The following TRAF5 variants were observed in gnomAD, a reference collection of about 807,000 sequenced individuals.
The protein encoded by TRAF5 is TNF receptor-associated factor 5.
In TRAF5, 48 loss-of-function variants were observed where a neutral mutation model predicts 64.5. The ratio of observed to expected loss-of-function variants is 0.74; its 90% CI spans 0.59 to 0.95. TRAF5 has a LOEUF of 0.95. Ranked by LOEUF, TRAF5 falls within the 40% of genes least tolerant of loss-of-function variation. The pLI, the probability that TRAF5 is intolerant of heterozygous loss-of-function variation, is 0.00. For synonymous variants in TRAF5, 206 were observed against 240.5 expected (o/e 0.86, Z 1.33); for missense variants, 545 against 662.8 (o/e 0.82, Z 1.95).
At chr1:211,360,913 C>A in intron 6 of TRAF5, 134 bp downstream of exon 6, 1 of 981,738 alleles carries the variant, frequency 1.0e-6, no homozygotes, top group Non-Finnish European at 1.5e-6. Flanking sequence ...ACGTATCTGT[C>A]TTCCCTTCTC....
chr1:211,370,606 C>G (rs1703491585), intron 9 of TRAF5, among the ~76,000 whole-genome samples: 1 of 152,164 alleles, frequency 6.6e-6, no homozygotes, highest in East Asian at 1.9e-4. Context: ...ATAGCTTAGC[C>G]TAGCATACCT....
At chr1:211,372,011 T>A (rs971686603) in intron 10 of TRAF5, 117 bp from the exon 11 acceptor site, 2 of 886,840 alleles carry the variant, frequency 2.3e-6, no homozygotes, top group Non-Finnish European at 3.4e-6. Flanking sequence ...CAGCTCATCT[T>A]TAGGATGGCA....
At chr1:211,372,055 T>G (rs909260582) in intron 10 of TRAF5, 73 bp from the exon 11 acceptor site, 2 of 1,365,592 alleles carry the variant, frequency 1.5e-6, no homozygotes, top group African/African-American at 2.9e-5. Flanking sequence ...GTAACAAAAT[T>G]CCACTTTGGG....
At chr1:211,339,834 T>C (rs1702400257) in intron 1 of TRAF5, among the ~76,000 whole-genome samples, 1 of 152,176 alleles carries the variant, frequency 6.6e-6, no homozygotes, top group African/African-American at 2.4e-5. Context: ...TTGCCCTGTG[T>C]GCCTCTCACA....
Position 211,372,325 on chromosome 1 carries a change from T to G in TRAF5, c.1297T>G (p.Phe433Val). 2 of 1,614,082 alleles carry G rather than the reference T, an allele frequency of 1.2e-6. No homozygotes were observed. The highest frequency in any genetic ancestry group is 1.7e-6 in the Non-Finnish European group (2 of 1,179,996). ...GHTVSIFSQS[F>V]YTSRCGYRLC... is the part of the protein sequence containing the mutation. ...CACAGTGTCCATCTTCAGCCAGTCC[T>G]TCTACACCAGCCGCTGTGGCTACCG... Residue 433 changes from phenylalanine to valine, a missense_variant, in exon 11 of 11, where the codon TTC becomes GTC. Transcript: ENST00000261464.
chr1:211,360,401 T>TA (rs1366042730), intron 5 of TRAF5: 6 of 488,190 alleles, frequency 1.2e-5, no homozygotes, highest in Non-Finnish European at 2.2e-5. Flanking sequence ...GATGCAGGCA[T>TA]AAAAAGAAAG....
At chr1:211,348,975 G>A (rs1702697867) in intron 1 of TRAF5, among the ~76,000 whole-genome samples, 2 of 145,968 alleles carry the variant, frequency 1.4e-5, no homozygotes, top group African/African-American at 2.5e-5. Context: ...TGAGCTGAAA[G>A]GATTGCTTGT....
In TRAF5 at chr1:211,371,406, G is replaced by C. The variant is rs766758569; in HGVS notation, c.1035G>C (p.Leu345Phe). The change falls in exon 10 of 11, where the codon TTG (leucine) becomes TTC (phenylalanine). Residue 345 changes from leucine (L) to phenylalanine (F), a missense_variant. Transcript: ENST00000261464. ...AAAATAAATTTGACCTGAGACCTTT[G>C]ATGGAAGCAGTTGATACAGTGAAAC... ...QQQNKFDLRP[L>F]MEAVDTVKQK... The C allele has an allele frequency of 1.2e-6, 2 of 1,611,594 alleles. No homozygotes were observed.
chr1:211,363,842 C>A lies in TRAF5; in HGVS notation c.697-1534C>A, dbSNP rs563675790. Among the ~76,000 whole-genome samples, 21 of 138,620 alleles carry A rather than the reference C, an allele frequency of 1.5e-4. 1 individual carries two copies. The South Asian group carries it at 4.7e-3, about 31-fold the overall frequency. 90.9% of individuals were successfully genotyped at this position (138,620 alleles called of 152,430 possible). ...GGGAGAATCCCTTGAGCCAGGGAGGCAGAGATTGCAGTGAGCCAAGGTCAT... is the reference window on the plus strand; with the variant it reads ...GGGAGAATCCCTTGAGCCAGGGAGGAAGAGATTGCAGTGAGCCAAGGTCAT... On this transcript the variant is annotated intron_variant, in intron 7 of 10. Coordinates refer to ENST00000261464, the MANE Select transcript of TRAF5 (RefSeq NM_001033910.3).
chr1:211,356,256 G>A (rs543437713), intron 3 of TRAF5, 111 bp from the exon 4 acceptor site: 4 of 750,248 alleles, frequency 5.3e-6, no homozygotes, highest in Non-Finnish European at 8.8e-6. Flanking sequence ...CTGATGTCTG[G>A]AAGTTTCCAC....
chr1:211,340,194 A>G (rs1272134438), intron 1 of TRAF5, among the ~76,000 whole-genome samples: 1 of 152,092 alleles, frequency 6.6e-6, no homozygotes, highest in Non-Finnish European at 1.5e-5. Flanking sequence ...TCCAAGCTAA[A>G]TCTAAACAGT....
intron 1 of TRAF5, among the ~76,000 whole-genome samples, chr1:211,333,180 TG>T (rs1702200935): frequency 6.6e-6 from 1 of 152,138 alleles, no homozygotes. Context: ...TTCTTTTTTT[TG>T]TTTTGTTTTG....
rs111307232 is a variant in TRAF5, at chr1:211,373,567, G to A, written c.*865G>A. 8.0e-4 allele frequency: 122 copies of A among 152,240 alleles called. 1 individual carries two copies. The highest frequency in any genetic ancestry group is 2.7e-3 in the African/African-American group (112 of 41,524). 9.4% of individuals were successfully genotyped at this position (152,240 alleles called of 1,614,324 possible). ...ACAAACAGTTCGAATGTATTTTGGT[G>A]ACAGTAATAAATCAATGTGAGGATG... On this transcript the variant is annotated 3_prime_UTR_variant, in exon 11 of 11. Coordinates refer to ENST00000261464, the MANE Select transcript of TRAF5 (RefSeq NM_001033910.3).
Position 211,374,661 on chromosome 1 carries a change from C to T in TRAF5, c.*1959C>T, listed in dbSNP as rs1703639150. ...GCCCACAAGTCCAGACCCAGGTGCT[C>T]TGTATGTTTGTTTTTAATATTCATC... On this transcript the variant is annotated 3_prime_UTR_variant, in exon 11 of 11. Transcript: ENST00000261464. The T allele has an allele frequency of 6.6e-6, 1 of 152,206 alleles. No homozygotes were observed. Among genetic ancestry groups the T allele is most frequent in the Non-Finnish European group, 1.5e-5 (1 of 68,030 alleles). 9.4% of individuals were successfully genotyped at this position (152,206 alleles called of 1,614,324 possible). A position where few individuals can be genotyped will look rare whatever the true frequency, so the allele number is the denominator to read the frequency against.
rs553119497 is a variant in TRAF5 at position 211,327,642 on chromosome 1, T to C, written c.-2+753T>C. 1.5e-4 allele frequency among the ~76,000 whole-genome samples: 23 copies of C among 152,322 alleles called. No homozygotes were observed. The South Asian group carries it at 4.8e-3, about 32-fold the overall frequency. On this transcript the variant is annotated intron_variant, in intron 1 of 10. Coordinates refer to ENST00000261464, the MANE Select transcript of TRAF5 (RefSeq NM_001033910.3). ...TCTGAGAATTTTCGGGGCCACGCTC[T>C]TGCTGCGGGTCCCACTGGGCCACTC...
chr1:211,355,691 C>CT (rs1012413911), intron 3 of TRAF5, among the ~76,000 whole-genome samples: 3 of 152,268 alleles, frequency 2.0e-5, no homozygotes, highest in Admixed American at 6.5e-5. Context: ...CTAAGAAATT[C>CT]TTTTTATGTA....
chr1:211,354,382 C>G, intron 2 of TRAF5, 28 bp from the exon 3 acceptor site: 2 of 1,612,092 alleles, frequency 1.2e-6, no homozygotes, highest in Non-Finnish European at 1.7e-6. Flanking sequence ...ACAACTAACT[C>G]TGGCTCCATT....
chr1:211,335,844 G>T (rs1702275716), intron 1 of TRAF5, among the ~76,000 whole-genome samples: 1 of 152,222 alleles, frequency 6.6e-6, no homozygotes, highest in African/African-American at 2.4e-5. Flanking sequence ...TGGAGGACAG[G>T]TGGGGAGATT....
chr1:211,337,102 T>A (rs755672443), intron 1 of TRAF5, among the ~76,000 whole-genome samples: 1 of 152,256 alleles, frequency 6.6e-6, no homozygotes, highest in Non-Finnish European at 1.5e-5. Flanking sequence ...GAGCTTATAT[T>A]CTATTCTGAT....
Sources: gnomAD v4.1 joint callset for allele counts (sites outside exome capture counted in the v4.1 genomes callset) on GRCh38, gnomAD v4.1.1 for gene constraint, MANE v1.5 for transcripts, NCBI Gene and HGNC (gene_info 2026-07-23, HGNC 2026-07-21) for gene names.